The following TMEM184C variants were observed in gnomAD, a reference collection of about 807,000 sequenced individuals.
The protein encoded by TMEM184C is transmembrane protein 184C.
Under a neutral mutation model 54.5 loss-of-function variants are expected in TMEM184C, and 25 were observed. The ratio of observed to expected loss-of-function variants is 0.46; its 90% CI spans 0.33 to 0.64. TMEM184C has a LOEUF of 0.64. Among genes scored for constraint, TMEM184C ranks in the 30% least tolerant of loss-of-function variants. TMEM184C has a pLI of 0.02. For synonymous variants in TMEM184C, 148 were observed against 181.5 expected, an observed-to-expected ratio of 0.82 and a Z score of 1.49; for missense variants, 335 against 520.3, an observed-to-expected ratio of 0.64 and a Z score of 3.46.
chr4:147,631,000 G>A (rs1018023241), intron 6 of TMEM184C, among the ~76,000 whole-genome samples: 1 of 151,918 alleles, frequency 6.6e-6, no homozygotes, highest in Non-Finnish European at 1.5e-5. Flanking sequence ...TTGTTTAATG[G>A]GTTACTTTAG....
chr4:147,623,373 T>TGCAGTGAGCCAAGATCGC (rs1374851957), intron 1 of TMEM184C, among the ~76,000 whole-genome samples: 1 of 150,926 alleles, frequency 6.6e-6, no homozygotes, highest in African/African-American at 2.4e-5. Context: ...AGGCAGAGGT[T>TGCAGTGAGCCAAGATCGC]GCAGTGAGCC....
At chr4:147,626,573 AT>A (rs998659364) in intron 4 of TMEM184C, among the ~76,000 whole-genome samples, 5 of 152,212 alleles carry the variant, frequency 3.3e-5, no homozygotes, top group Non-Finnish European at 7.3e-5. Context: ...GTCCTGACAA[AT>A]TTTGTCTCTA....
rs1415088711 is a variant in TMEM184C at position 147,631,450 on chromosome 4, A to T, written c.724A>T (p.Ile242Phe). Reference sequence around the variant, plus strand: ...AGTACTAAAAGAAGAACTGAGCCCAATCCAACCTGTTGGCAAATTTCTTTG... The same window carrying T: ...AGTACTAAAAGAAGAACTGAGCCCATTCCAACCTGTTGGCAAATTTCTTTG... ...YKVLKEELSP[I>F]QPVGKFLCVK... is the part of the protein sequence containing the mutation. The change falls in exon 7 of 10, where the codon ATC (isoleucine) becomes TTC (phenylalanine). Residue 242 changes from isoleucine (I) to phenylalanine (F), a missense_variant. Coordinates refer to ENST00000296582, the MANE Select transcript of TMEM184C (RefSeq NM_018241.3). 6.2e-7 allele frequency: 1 copy of T among 1,607,950 alleles called. No homozygotes were observed. Among genetic ancestry groups the T allele is most frequent in the African/African-American group, 1.3e-5 (1 of 74,372 alleles).
intron 5 of TMEM184C, 25 bp downstream of exon 5, chr4:147,628,460 C>CTG: frequency 6.3e-7 from 1 of 1,582,022 alleles, no homozygotes; most frequent in Non-Finnish European, 8.7e-7. Flanking sequence ...TTTATATGAA[C>CTG]TTTTTTTTTC....
chr4:147,634,728 CTT>C lies in TMEM184C; in HGVS notation c.*305_*306del, dbSNP rs33965102. 0.017 allele frequency: 3,095 copies of C among 182,458 alleles called. No homozygotes were observed. The highest frequency in any genetic ancestry group is 0.037 in the South Asian group (301 of 8,088). 11.3% of individuals were successfully genotyped at this position (182,458 alleles called of 1,614,324 possible). A position where few individuals can be genotyped will look rare whatever the true frequency, so the allele number is the denominator to read the frequency against. On this transcript the variant is annotated 3_prime_UTR_variant, in exon 10 of 10. Transcript: ENST00000296582. ...TACACTGCTTTATCAAGAGGATGGA[CTT>C]TTTTTTTTTTGAGACAGACAGAGTC...
At chr4:147,618,240 GTTC>G (rs1481463664) in intron 1 of TMEM184C, among the ~76,000 whole-genome samples, 161 bp downstream of exon 1, 1 of 152,178 alleles carries the variant, frequency 6.6e-6, no homozygotes, top group Admixed American at 6.5e-5. Context: ...CTTGTTCACG[GTTC>G]TTCAAGTCAT....
At chr4:147,625,448 T>G (rs1440523495) in intron 4 of TMEM184C, among the ~76,000 whole-genome samples, 1 of 152,248 alleles carries the variant, frequency 6.6e-6, no homozygotes, top group African/African-American at 2.4e-5. Flanking sequence ...TATATGTTCA[T>G]GTAGGACATT....
Position 147,624,117 on chromosome 4 carries a change from T to C in TMEM184C, c.291+19T>C. On this transcript the variant is annotated intron_variant, in intron 3 of 9. Coordinates refer to ENST00000296582, the MANE Select transcript of TMEM184C (RefSeq NM_018241.3). ...AGATAGTGTAAGTATGTTTCATTTTTATCTCATTAACTAAGGACTTGTTTG... is the reference window on the plus strand; with the variant it reads ...AGATAGTGTAAGTATGTTTCATTTTCATCTCATTAACTAAGGACTTGTTTG... The C allele has an allele frequency of 6.3e-7, 1 of 1,575,970 alleles. No individual in the cohort carries two copies. The highest frequency in any genetic ancestry group is 2.2e-5 in the East Asian group (1 of 44,578).
intron 1 of TMEM184C, among the ~76,000 whole-genome samples, chr4:147,618,865 A>G (rs1732649592): frequency 6.6e-6 from 1 of 152,106 alleles, no homozygotes; most frequent in Non-Finnish European, 1.5e-5. Context: ...TAGTCCATAT[A>G]GTTTTTTGTT....
At chr4:147,630,078 T>C (rs1021436928) in intron 6 of TMEM184C, among the ~76,000 whole-genome samples, 6 of 151,754 alleles carry the variant, frequency 4.0e-5, no homozygotes, top group African/African-American at 1.4e-4. Context: ...AATTGGTATT[T>C]GATGGTACAG....
intron 6 of TMEM184C, 62 bp from the exon 7 acceptor site, chr4:147,631,331 C>T (rs1052013459): frequency 7.7e-7 from 1 of 1,293,552 alleles, no homozygotes; most frequent in Admixed American, 2.5e-5. Flanking sequence ...TGGTATGTAA[C>T]TTTAATATTT....
At chr4:147,628,101 G>A (rs1732847348) in intron 4 of TMEM184C, among the ~76,000 whole-genome samples, 1 of 152,238 alleles carries the variant, frequency 6.6e-6, no homozygotes, top group Admixed American at 6.5e-5. Flanking sequence ...CAAGGCTGCA[G>A]TAAGCCATGT....
chr4:147,629,577 A>G (rs201418850), intron 5 of TMEM184C, 22 bp from the exon 6 acceptor site: 3 of 1,547,782 alleles, frequency 1.9e-6, no homozygotes, highest in East Asian at 4.7e-5. Flanking sequence ...AATCAGAGAT[A>G]TCTCATTTTT....
Position 147,634,537 on chromosome 4 carries a change from C to A in TMEM184C, c.*103C>A. On this transcript the variant is annotated 3_prime_UTR_variant, in exon 10 of 10. Transcript: ENST00000296582. Reference sequence around the variant, plus strand: ...GACCATAAATGATGGAAAATGTCAACACAAAAATAGCTGAAAGCCAGGTAC... The same window carrying A: ...GACCATAAATGATGGAAAATGTCAAAACAAAAATAGCTGAAAGCCAGGTAC... The A allele has an allele frequency of 7.3e-7, 1 of 1,361,860 alleles. No homozygotes were observed. Among genetic ancestry groups the A allele is most frequent in the Non-Finnish European group, 9.9e-7 (1 of 1,005,656 alleles). The allele number at this position is 1,361,860 out of a possible 1,614,324, so 84.4% of individuals were successfully genotyped here.
chr4:147,634,911 G>T lies in TMEM184C; in HGVS notation c.*477G>T, dbSNP rs1732986531. ...CCAGCTAATTTTTTTTTTTTCAGTAGAGACAGGGTCTCACCATGTTAGCCA... is the reference window on the plus strand; with the variant it reads ...CCAGCTAATTTTTTTTTTTTCAGTATAGACAGGGTCTCACCATGTTAGCCA... On this transcript the variant is annotated 3_prime_UTR_variant, in exon 10 of 10. Transcript: ENST00000296582. 6.5e-6 allele frequency: 1 copy of T among 154,692 alleles called. No individual in the cohort carries two copies. Among genetic ancestry groups the T allele is most frequent in the Non-Finnish European group, 1.4e-5 (1 of 70,128 alleles). The allele number at this position is 154,692 out of a possible 1,614,324, so 9.6% of individuals were successfully genotyped here.
chr4:147,628,224 T>C (rs1732849193), intron 4 of TMEM184C, 137 bp from the exon 5 acceptor site: 1 of 669,076 alleles, frequency 1.5e-6, no homozygotes, highest in South Asian at 1.9e-5. Flanking sequence ...GCCACTGCTA[T>C]TAAGGATGAC....
rs1732788903 is a variant in TMEM184C, at chr4:147,625,113, G to A, written c.497+104G>A. ...CAAGGCAGTGCATTAAGTATTAATA[G>A]CAGAACAATAAGTATAAGACAGCTC... On this transcript the variant is annotated intron_variant, in intron 4 of 9. Coordinates refer to ENST00000296582, the MANE Select transcript of TMEM184C (RefSeq NM_018241.3). 2.7e-6 allele frequency: 3 copies of A among 1,105,824 alleles called. No individual in the cohort carries two copies. The Admixed American group carries it at 6.3e-5, about 23-fold the overall frequency. The allele number at this position is 1,105,824 out of a possible 1,614,324, so 68.5% of individuals were successfully genotyped here. A position where few individuals can be genotyped will look rare whatever the true frequency, so the allele number is the denominator to read the frequency against.
chr4:147,623,143 T>G (rs2126548359), intron 1 of TMEM184C, among the ~76,000 whole-genome samples: 1 of 152,256 alleles, frequency 6.6e-6, no homozygotes, highest in East Asian at 1.9e-4. Context: ...GAAGAAAAAG[T>G]CCTGTTCAAA....
At chr4:147,632,463 G>T (rs537002215) in intron 7 of TMEM184C, 2 of 154,348 alleles carry the variant, frequency 1.3e-5, no homozygotes, top group African/African-American at 4.8e-5. Flanking sequence ...TGTGGAGGGG[G>T]TGATTTTTAT....
Sources: gnomAD v4.1 joint callset for allele counts (sites outside exome capture counted in the v4.1 genomes callset) on GRCh38, gnomAD v4.1.1 for gene constraint, MANE v1.5 for transcripts, NCBI Gene and HGNC (gene_info 2026-07-23, HGNC 2026-07-21) for gene names.